PRKN: variants seen among roughly 807,000 people sequenced by gnomAD.
The protein encoded by PRKN is parkin RBR E3 ubiquitin protein ligase.
In PRKN, 56 loss-of-function variants were observed where a neutral mutation model predicts 59.5. The ratio of observed to expected loss-of-function variants is 0.94; its 90% CI spans 0.76 to 1.18. The LOEUF (loss-of-function observed/expected upper bound fraction) is 1.18. Ranked by LOEUF, PRKN falls within the 50% of genes most tolerant of loss-of-function variation. PRKN has a pLI of 0.00. For missense variants in PRKN, 657 were observed against 596.4 expected, an observed-to-expected ratio of 1.10 and a Z score of -1.06; for synonymous variants, 250 against 222.1, an observed-to-expected ratio of 1.13 and a Z score of -1.12.
chr6:162,258,779 C>G (rs1177928779), intron 3 of PRKN, among the ~76,000 whole-genome samples: 1 of 152,180 alleles, frequency 6.6e-6, no homozygotes, highest in African/African-American at 2.4e-5. Flanking sequence ...AAAACTACTT[C>G]AATGACTCGT....
chr6:162,139,890 C>CAA (rs35011084), intron 4 of PRKN, among the ~76,000 whole-genome samples: 5,591 of 137,798 alleles, frequency 0.041, 350 homozygotes, highest in African/African-American at 0.13. Flanking sequence ...GACTCCATCT[C>CAA]AAAAAAAAAA....
intron 7 of PRKN, among the ~76,000 whole-genome samples, chr6:161,694,727 C>T (rs942501833): frequency 3.3e-5 from 5 of 152,246 alleles, no homozygotes; most frequent in South Asian, 2.1e-4. Flanking sequence ...CACTTTTTCA[C>T]CTGGACCGTA....
intron 1 of PRKN, among the ~76,000 whole-genome samples, chr6:162,498,383 TC>T: frequency 1.2e-4 from 15 of 121,956 alleles, no homozygotes; most frequent in Non-Finnish European, 1.7e-4. Context: ...TCATTTTTTT[TC>T]TTTCTTTCCT....
At chr6:161,422,424 C>T (rs577362728) in intron 9 of PRKN, among the ~76,000 whole-genome samples, 43 of 152,152 alleles carry the variant, frequency 2.8e-4, no homozygotes, top group African/African-American at 9.9e-4. Context: ...GTCTTGAACT[C>T]CTGACCTCAA....
chr6:162,201,239 G>C lies in PRKN; in HGVS notation c.426C>G (p.Ile142Met), dbSNP rs747984930. The change falls in exon 4 of 12, where the codon ATC becomes ATG. Residue 142 changes from isoleucine (I) to methionine (M), a missense_variant. Physicochemically the swap from Ile to Met is conservative, Grantham distance 10. Coordinates refer to ENST00000366898, the MANE Select transcript of PRKN (RefSeq NM_004562.3). The part of the protein sequence containing the change: ...PPAGSPAGRS[I>M]YNSFYVYCKG... Reference sequence around the variant, plus strand: ...TGCAATACACATAAAAGCTGTTGTAGATTGATCTACCTGCTGGAGAAGAAA... The same window carrying C: ...TGCAATACACATAAAAGCTGTTGTACATTGATCTACCTGCTGGAGAAGAAA... The C allele has an allele frequency of 1.5e-5, 25 of 1,613,768 alleles. No homozygotes were observed. The highest frequency in any genetic ancestry group is 2.0e-5 in the Non-Finnish European group (24 of 1,179,792).
intron 1 of PRKN, among the ~76,000 whole-genome samples, chr6:162,544,518 G>A (rs192820276): frequency 7.9e-4 from 120 of 152,142 alleles, no homozygotes; most frequent in African/African-American, 2.8e-3. Context: ...AGCAGTTGTA[G>A]GTATTAAAAT....
At chr6:162,011,102 AT>A (rs373111395) in intron 5 of PRKN, among the ~76,000 whole-genome samples, 2 of 3,148 alleles carry the variant, frequency 6.4e-4, no homozygotes, top group Admixed American at 8.1e-3. Flanking sequence ...TATATAATAT[AT>A]TTATAATATA....
At chr6:161,844,631 C>T (rs1390751779) in intron 6 of PRKN, among the ~76,000 whole-genome samples, 1 of 152,248 alleles carries the variant, frequency 6.6e-6, no homozygotes, top group Non-Finnish European at 1.5e-5. Flanking sequence ...CTACATGCTG[C>T]TAGAAGCTAC....
chr6:161,842,123 A>G (rs971991353), intron 6 of PRKN, among the ~76,000 whole-genome samples: 1 of 152,158 alleles, frequency 6.6e-6, no homozygotes, highest in Non-Finnish European at 1.5e-5. Context: ...CATTTATTAA[A>G]CAAAAGCTAA....
intron 6 of PRKN, among the ~76,000 whole-genome samples, chr6:161,811,676 A>C (rs1791567809): frequency 6.6e-6 from 1 of 152,200 alleles, no homozygotes. Flanking sequence ...TAATCCCAGC[A>C]CTTTGGGAGG....
intron 7 of PRKN, among the ~76,000 whole-genome samples, chr6:161,735,300 T>A (rs546862403): frequency 6.6e-6 from 1 of 152,230 alleles, no homozygotes; most frequent in South Asian, 2.1e-4. Context: ...CTCCTCAGCC[T>A]ACCCAACATA....
chr6:162,719,201 A>G (rs1209544476), intron 1 of PRKN, among the ~76,000 whole-genome samples: 1 of 152,212 alleles, frequency 6.6e-6, no homozygotes, highest in Non-Finnish European at 1.5e-5. Context: ...ATATTCATGT[A>G]AAAACGTCTT....
intron 1 of PRKN, among the ~76,000 whole-genome samples, chr6:162,501,514 AT>A (rs10596593): frequency 0.029 from 4,153 of 141,714 alleles, 142 homozygotes; most frequent in African/African-American, 0.089. Context: ...CGCCTGGTTA[AT>A]TTTTTTTTTT....
chr6:162,412,968 A>G (rs931677713), intron 2 of PRKN, among the ~76,000 whole-genome samples: 3 of 152,196 alleles, frequency 2.0e-5, no homozygotes, highest in African/African-American at 7.2e-5. Context: ...ACACAGTTTA[A>G]TGAATTTATC....
At position 162,412,022 on chromosome 6, in the gene PRKN, ATT is replaced by A. The variant is rs34662241; in HGVS notation, c.171+31286_171+31287del. On this transcript the variant is annotated intron_variant, in intron 2 of 11. Transcript: ENST00000366898. ...ATTTCTTTGGTCACAGCTGAGAGGC[ATT>A]TTTTTTTTTCTGATCTGGAAAACAA... Among the ~76,000 whole-genome samples the A allele has an allele frequency of 2.5e-3, 370 of 149,316 alleles. 3 individuals are homozygous for A. Among genetic ancestry groups the A allele is most frequent in the African/African-American group, 8.6e-3 (350 of 40,792 alleles).
chr6:161,571,790 C>G (rs1238628415), intron 7 of PRKN, among the ~76,000 whole-genome samples: 1 of 152,026 alleles, frequency 6.6e-6, no homozygotes, highest in Admixed American at 6.6e-5. Context: ...GTCTGTGGAC[C>G]AAGAAGATCC....
chr6:161,825,076 T>C (rs1489695264), intron 6 of PRKN, among the ~76,000 whole-genome samples: 1 of 152,174 alleles, frequency 6.6e-6, no homozygotes, highest in Non-Finnish European at 1.5e-5. Context: ...AAACCATCAA[T>C]AATAAAAATA....
At chr6:161,775,928 AAGTT>A (rs1363754966) in intron 7 of PRKN, among the ~76,000 whole-genome samples, 2 of 152,212 alleles carry the variant, frequency 1.3e-5, no homozygotes, top group African/African-American at 2.4e-5. Context: ...ATTGCATTCT[AAGTT>A]AGGTGAAAAC....
chr6:162,112,915 C>A (rs1780504431), intron 4 of PRKN, among the ~76,000 whole-genome samples: 1 of 152,122 alleles, frequency 6.6e-6, no homozygotes, highest in Non-Finnish European at 1.5e-5. Flanking sequence ...AGAGCAAGAG[C>A]CTGTCTCAAA....
Sources: allele counts gnomAD v4.1 joint callset (sites outside exome capture counted in the v4.1 genomes callset), GRCh38; gene constraint gnomAD v4.1.1; transcripts MANE v1.5; gene names NCBI Gene and HGNC (gene_info 2026-07-23, HGNC 2026-07-21).